The following CFAP221 variants were observed in gnomAD, a reference collection of about 807,000 sequenced individuals.
CFAP221 encodes cilia- and flagella-associated protein 221.
CFAP221 carries 97 observed loss-of-function variants against 113.1 expected under a neutral mutation model. That is an observed-to-expected ratio of 0.86 (90% CI 0.73 to 1.02). The LOEUF (loss-of-function observed/expected upper bound fraction) is 1.02. Ranked by LOEUF, CFAP221 falls within the 50% of genes least tolerant of loss-of-function variation. The pLI, the probability that CFAP221 is intolerant of heterozygous loss-of-function variation, is 0.00. For missense variants in CFAP221, 1,025 were observed against 1,013.4 expected, an observed-to-expected ratio of 1.01 and a Z score of -0.16; for synonymous variants, 331 against 354.4, an observed-to-expected ratio of 0.93 and a Z score of 0.74.
chr2:119,559,543 G>T, intron 3 of CFAP221, 146 bp from the exon 4 acceptor site: 1 of 665,858 alleles, frequency 1.5e-6, no homozygotes, highest in Non-Finnish European at 2.6e-6. Context: ...TTTTTAAATG[G>T]TGTATGATGT....
At chr2:119,656,280 C>A in intron 23 of CFAP221, 82 bp from the exon 24 acceptor site, 1 of 1,084,836 alleles carries the variant, frequency 9.2e-7, no homozygotes, top group Non-Finnish European at 1.4e-6. Flanking sequence ...CTCCGACCTT[C>A]ACCAGCACTG....
intron 7 of CFAP221, among the ~76,000 whole-genome samples, chr2:119,590,613 A>G (rs1683532515): frequency 6.6e-6 from 1 of 152,222 alleles, no homozygotes; most frequent in Non-Finnish European, 1.5e-5. Context: ...ACACACCAGC[A>G]TTCACCCACT....
chr2:119,610,162 G>A (rs554989148), intron 12 of CFAP221, among the ~76,000 whole-genome samples: 1 of 152,288 alleles, frequency 6.6e-6, no homozygotes, highest in African/African-American at 2.4e-5. Context: ...CTGTGGCTGC[G>A]GGCAGTGACA....
intron 11 of CFAP221, among the ~76,000 whole-genome samples, chr2:119,607,166 A>G (rs1444855752): frequency 6.6e-6 from 1 of 152,184 alleles, no homozygotes; most frequent in East Asian, 1.9e-4. Context: ...AAATTTTATA[A>G]AAATGAAATA....
At chr2:119,633,804 C>CA (rs1165724301) in intron 19 of CFAP221, among the ~76,000 whole-genome samples, 1 of 151,844 alleles carries the variant, frequency 6.6e-6, no homozygotes, top group Non-Finnish European at 1.5e-5. Context: ...AGGCTATTAT[C>CA]AAAAAAATAA....
intron 10 of CFAP221, 67 bp from the exon 11 acceptor site, chr2:119,605,114 T>C (rs1684646294): frequency 6.7e-7 from 1 of 1,491,468 alleles, no homozygotes; most frequent in East Asian, 2.3e-5. Flanking sequence ...ATTAGAAATG[T>C]GTTTTTCTCT....
At chr2:119,565,724 G>A (rs1050623788) in intron 6 of CFAP221, among the ~76,000 whole-genome samples, 9 of 152,200 alleles carry the variant, frequency 5.9e-5, no homozygotes, top group Admixed American at 2.0e-4. Context: ...AGCAGGCATA[G>A]CCTTCCAAGA....
At chr2:119,615,539 A>G (rs1685462934) in intron 13 of CFAP221, 72 bp from the exon 14 acceptor site, 1 of 1,105,140 alleles carries the variant, frequency 9.0e-7, no homozygotes, top group African/African-American at 1.6e-5. Context: ...AAACTCTAAA[A>G]TGTTTTTATT....
chr2:119,659,009 GAAAAA>G (rs70949304), downstream of CFAP221, among the ~76,000 whole-genome samples: 4 of 143,842 alleles, frequency 2.8e-5, no homozygotes, highest in East Asian at 8.1e-4. Flanking sequence ...AAAAGAAAAA[GAAAAA>G]AAAAAAAACG....
intron 6 of CFAP221, among the ~76,000 whole-genome samples, chr2:119,564,950 G>A (rs1463847049): frequency 6.6e-6 from 1 of 152,168 alleles, no homozygotes; most frequent in East Asian, 1.9e-4. Flanking sequence ...GGGTTACTAT[G>A]TAATGGCTGT....
chr2:119,555,047 C>A (rs75859298), intron 3 of CFAP221, among the ~76,000 whole-genome samples: 2,843 of 152,266 alleles, frequency 0.019, 48 homozygotes, highest in East Asian at 0.069. Flanking sequence ...AGAAGGGAGC[C>A]TGAAGCAGCA....
chr2:119,651,289 C>T (rs1417553343), intron 22 of CFAP221, among the ~76,000 whole-genome samples: 1 of 152,106 alleles, frequency 6.6e-6, no homozygotes, highest in African/African-American at 2.4e-5. Flanking sequence ...AAATGTGGCC[C>T]ACCACCTGTA....
chr2:119,639,636 TGC>T, intron 20 of CFAP221, 143 bp from the exon 21 acceptor site: 1 of 654,602 alleles, frequency 1.5e-6, no homozygotes, highest in Non-Finnish European at 2.7e-6. Flanking sequence ...ATTGCCTTTT[TGC>T]TTCAGAAAAA....
chr2:119,571,622 CT>C (rs1682065503), intron 6 of CFAP221, among the ~76,000 whole-genome samples: 1 of 151,872 alleles, frequency 6.6e-6, no homozygotes, highest in Admixed American at 6.6e-5. Flanking sequence ...ACCTAGCTAA[CT>C]TTTTTGTATT....
At chr2:119,652,210 G>C (rs1412762757) in intron 23 of CFAP221, 141 bp downstream of exon 23, 16 of 556,732 alleles carry the variant, frequency 2.9e-5, no homozygotes, top group Non-Finnish European at 4.3e-5. Context: ...CATATATTTA[G>C]ATGTGTATTT....
In CFAP221 at chr2:119,630,844, C is replaced by G. The variant is rs748829029; in HGVS notation, c.1917C>G (p.Ser639Arg). The G allele has an allele frequency of 1.2e-6, 2 of 1,613,594 alleles. No homozygotes were observed. Among genetic ancestry groups the G allele is most frequent in the African/African-American group, 1.3e-5 (1 of 74,924 alleles). The change falls in exon 19 of 24, where the codon AGC (serine) becomes AGG (arginine). Residue 639 changes from serine to arginine, a missense_variant. By Grantham distance (110) the Ser-to-Arg change is moderately radical (BLOSUM62 -1). Transcript: ENST00000413369. ...TCTCTGGCAAAACATCAGTCTTGAG[C>G]ATGAAACCACCTGAGGCCTTAGCCA... is the stretch of plus-strand genomic sequence containing the variant. ...TQLSGKTSVL[S>R]MKPPEALAMS... is the part of the protein sequence containing the mutation.
intron 3 of CFAP221, among the ~76,000 whole-genome samples, chr2:119,550,101 G>A (rs1680315387): frequency 6.6e-6 from 1 of 152,182 alleles, no homozygotes; most frequent in Non-Finnish European, 1.5e-5. Flanking sequence ...ATGTGTTGTT[G>A]GGGAGGGGCG....
At position 119,638,534 on chromosome 2, in the gene CFAP221, C is replaced by A. The variant is rs557490428; in HGVS notation, c.2133+117C>A. ...AAGGTTTGCCGCCACAGCTGCAGAA[C>A]AAGAATGGTAACACCGCCCCTCATA... On this transcript the variant is annotated intron_variant, in intron 20 of 23. Transcript: ENST00000413369. 5 of 1,327,702 alleles carry A rather than the reference C, an allele frequency of 3.8e-6. No individual in the cohort carries two copies. In the South Asian group the frequency reaches 3.9e-5, roughly 10 times the overall value. 82.2% of individuals were successfully genotyped at this position (1,327,702 alleles called of 1,614,324 possible). A position where few individuals can be genotyped will look rare whatever the true frequency, so the allele number is the denominator to read the frequency against.
chr2:119,596,146 C>T (rs1182879133), intron 7 of CFAP221, among the ~76,000 whole-genome samples: 3 of 152,070 alleles, frequency 2.0e-5, no homozygotes, highest in Non-Finnish European at 4.4e-5. Context: ...CTCTTTGGCT[C>T]CTGAGGGGAA....
Sources: gnomAD v4.1 joint callset for allele counts (sites outside exome capture counted in the v4.1 genomes callset) on GRCh38, gnomAD v4.1.1 for gene constraint, MANE v1.5 for transcripts, NCBI Gene and HGNC (gene_info 2026-07-23, HGNC 2026-07-21) for gene names.